Variants in CDKAL1 observed in about 807,000 individuals in gnomAD.
CDKAL1 encodes threonylcarbamoyladenosine tRNA methylthiotransferase.
CDKAL1 carries 32 observed loss-of-function variants against 68.2 expected under a neutral mutation model. The ratio of observed to expected loss-of-function variants is 0.47; its 90% CI spans 0.35 to 0.63. CDKAL1 has a LOEUF of 0.63. Ranked by LOEUF, CDKAL1 falls within the 30% of genes least tolerant of loss-of-function variation. The pLI is 0.00. For synonymous variants in CDKAL1, 234 were observed against 244.3 expected (o/e 0.96, Z 0.39); for missense variants, 606 against 696.7 (o/e 0.87, Z 1.47).
intron 9 of CDKAL1, among the ~76,000 whole-genome samples, chr6:20,880,983 C>T (rs1042302958): frequency 6.6e-6 from 1 of 152,140 alleles, no homozygotes; most frequent in African/African-American, 2.4e-5. Context: ...TCCCACAAAC[C>T]CACCAACTCT....
At chr6:20,777,983 AC>A (rs1299326131) in intron 7 of CDKAL1, among the ~76,000 whole-genome samples, 2 of 152,322 alleles carry the variant, frequency 1.3e-5, no homozygotes, top group East Asian at 3.9e-4. Context: ...GGAAAGCAAA[AC>A]CACAGATAAG....
At chr6:21,076,177 GTC>G (rs1772062995) in intron 12 of CDKAL1, among the ~76,000 whole-genome samples, 1 of 152,158 alleles carries the variant, frequency 6.6e-6, no homozygotes, top group South Asian at 2.1e-4. Flanking sequence ...TGCCAAAACG[GTC>G]TCTGGCAGAT....
intron 13 of CDKAL1, among the ~76,000 whole-genome samples, chr6:21,141,304 C>G (rs1300874839): frequency 6.6e-6 from 1 of 152,220 alleles, no homozygotes; most frequent in East Asian, 1.9e-4. Flanking sequence ...CTTCAGGACT[C>G]ACTCAGCCCA....
chr6:20,566,614 A>G (rs897414554), intron 4 of CDKAL1, among the ~76,000 whole-genome samples: 2 of 152,190 alleles, frequency 1.3e-5, no homozygotes, highest in Non-Finnish European at 2.9e-5. Flanking sequence ...GCAAGGGCTT[A>G]TTAACATCTT....
At chr6:20,913,778 C>T (rs1356498700) in intron 9 of CDKAL1, among the ~76,000 whole-genome samples, 2 of 152,036 alleles carry the variant, frequency 1.3e-5, no homozygotes, top group East Asian at 1.9e-4. Flanking sequence ...GTCAGGAGTT[C>T]GAGACCAGTC....
chr6:21,033,972 AAGCAGCAGCAGC>A (rs35161624), intron 11 of CDKAL1, among the ~76,000 whole-genome samples: 3 of 151,518 alleles, frequency 2.0e-5, no homozygotes, highest in African/African-American at 2.4e-5. Flanking sequence ...AATAGTGAGG[AAGCAGCAGCAGC>A]AGCAGCAGCA....
At chr6:20,816,770 GT>G (rs1371045379) in intron 8 of CDKAL1, among the ~76,000 whole-genome samples, 2 of 151,894 alleles carry the variant, frequency 1.3e-5, no homozygotes, top group African/African-American at 4.8e-5. Context: ...GCTCATCCTG[GT>G]CCTTATATAA....
chr6:20,691,869 T>C (rs866110699), intron 5 of CDKAL1, among the ~76,000 whole-genome samples: 2 of 152,350 alleles, frequency 1.3e-5, no homozygotes, highest in Admixed American at 6.5e-5. Flanking sequence ...TTTCCCATTC[T>C]TTTTCATTTC....
chr6:21,036,126 T>C (rs888174198), intron 11 of CDKAL1, among the ~76,000 whole-genome samples: 1 of 152,210 alleles, frequency 6.6e-6, no homozygotes, highest in African/African-American at 2.4e-5. Context: ...TTTGACAGCA[T>C]GGTAACTGCA....
intron 9 of CDKAL1, among the ~76,000 whole-genome samples, chr6:20,884,568 C>G (rs1391510748): frequency 5.3e-5 from 8 of 152,192 alleles, no homozygotes; most frequent in Admixed American, 3.3e-4. Context: ...AAAACAGTCT[C>G]TCTTCACAGA....
At chr6:20,839,149 T>C (rs1413376371) in intron 8 of CDKAL1, among the ~76,000 whole-genome samples, 3 of 152,054 alleles carry the variant, frequency 2.0e-5, no homozygotes, top group Non-Finnish European at 2.9e-5. Context: ...AAGATCAATA[T>C]AGAAATGTAA....
chr6:21,176,698 T>TG (rs1777593283), intron 13 of CDKAL1, among the ~76,000 whole-genome samples: 1 of 144,098 alleles, frequency 6.9e-6, no homozygotes, highest in African/African-American at 2.6e-5. Flanking sequence ...TTTTTTTTGT[T>TG]TTTTTTTTTT....
At chr6:20,673,922 A>G (rs1769968457) in intron 5 of CDKAL1, among the ~76,000 whole-genome samples, 1 of 152,184 alleles carries the variant, frequency 6.6e-6, no homozygotes, top group South Asian at 2.1e-4. Flanking sequence ...CTAATACACG[A>G]TGGATACAGA....
At chr6:20,708,028 C>T (rs1771681610) in intron 5 of CDKAL1, among the ~76,000 whole-genome samples, 1 of 152,148 alleles carries the variant, frequency 6.6e-6, no homozygotes, top group African/African-American at 2.4e-5. Context: ...ATTGCAATTA[C>T]GTATTGTTCT....
chr6:20,778,190 A>G (rs978593609), intron 7 of CDKAL1, among the ~76,000 whole-genome samples: 15 of 152,210 alleles, frequency 9.9e-5, no homozygotes, highest in African/African-American at 3.4e-4. Flanking sequence ...GGAAGAAAAC[A>G]CAGGAGAAAT....
At chr6:20,937,944 A>T (rs1763798210) in intron 9 of CDKAL1, among the ~76,000 whole-genome samples, 1 of 151,734 alleles carries the variant, frequency 6.6e-6, no homozygotes, top group Non-Finnish European at 1.5e-5. Context: ...CTGCCCACTA[A>T]GTTTAGCATC....
intron 9 of CDKAL1, among the ~76,000 whole-genome samples, chr6:20,883,783 T>A (rs1158774735): frequency 2.0e-5 from 3 of 152,208 alleles, no homozygotes; most frequent in Non-Finnish European, 4.4e-5. Context: ...TTCTGTATAT[T>A]TAAAATGTTT....
intron 4 of CDKAL1, among the ~76,000 whole-genome samples, chr6:20,640,188 CT>C (rs11339738): frequency 0.86 from 131,109 of 152,208 alleles, 56,794 homozygotes; most frequent in African/African-American, 0.97. Flanking sequence ...TCAAAACATG[CT>C]TTTTGGGTTC....
intron 7 of CDKAL1, among the ~76,000 whole-genome samples, chr6:20,764,691 T>C (rs1176808456): frequency 6.6e-6 from 1 of 152,224 alleles, no homozygotes; most frequent in Admixed American, 6.5e-5. Context: ...TACTTGAGGA[T>C]GTTTTCCAAA....
Sources: gnomAD v4.1 joint callset for allele counts (sites outside exome capture counted in the v4.1 genomes callset) on GRCh38, gnomAD v4.1.1 for gene constraint, MANE v1.5 for transcripts, NCBI Gene and HGNC (gene_info 2026-07-23, HGNC 2026-07-21) for gene names.